Variants in CNTN4 observed in about 807,000 individuals in gnomAD.
The protein encoded by CNTN4 is contactin 4, also known as contactin-4.
Under a neutral mutation model 122.5 loss-of-function variants are expected in CNTN4, and 77 were observed. The observed-to-expected ratio is 0.63, with a 90% CI of 0.52 to 0.76. CNTN4 has a LOEUF of 0.76. CNTN4 is among the 30% of genes least tolerant of loss of function. The pLI, the probability that CNTN4 is intolerant of heterozygous loss-of-function variation, is 0.00. For missense variants in CNTN4, 1,256 were observed against 1,259.1 expected (o/e 1.00, Z 0.04); for synonymous variants, 512 against 447.0 (o/e 1.15, Z -1.83).
At chr3:2,623,180 G>A (rs2082055214) in intron 4 of CNTN4, among the ~76,000 whole-genome samples, 1 of 151,720 alleles carries the variant, frequency 6.6e-6, no homozygotes, top group Non-Finnish European at 1.5e-5. Flanking sequence ...TATTCTGGTG[G>A]GCCTGCAAAT....
chr3:2,319,400 T>A (rs1225402312), intron 2 of CNTN4, among the ~76,000 whole-genome samples: 1 of 152,126 alleles, frequency 6.6e-6, no homozygotes, highest in Non-Finnish European at 1.5e-5. Flanking sequence ...ATGAATCCAC[T>A]AATACCCACA....
chr3:2,433,580 C>G (rs2048154750), intron 3 of CNTN4, among the ~76,000 whole-genome samples: 1 of 151,988 alleles, frequency 6.6e-6, no homozygotes, highest in Non-Finnish European at 1.5e-5. Context: ...GTGGTTGTCT[C>G]TTTATTAGTT....
intron 6 of CNTN4, among the ~76,000 whole-genome samples, chr3:2,788,361 A>C (rs1242196164): frequency 6.6e-6 from 1 of 152,164 alleles, no homozygotes; most frequent in Non-Finnish European, 1.5e-5. Context: ...ATTTAACCCA[A>C]TGGAATATAA....
chr3:2,903,880 A>T (rs1243293655), intron 12 of CNTN4, among the ~76,000 whole-genome samples: 1 of 152,216 alleles, frequency 6.6e-6, no homozygotes, highest in African/African-American at 2.4e-5. Flanking sequence ...GTATGCACTC[A>T]ATAAACATTG....
At chr3:2,148,836 C>T (rs1332968745) in intron 2 of CNTN4, among the ~76,000 whole-genome samples, 1 of 151,422 alleles carries the variant, frequency 6.6e-6, no homozygotes, top group African/African-American at 2.4e-5. Context: ...AAGCAAAAGT[C>T]AAGGATAAAT....
chr3:2,471,901 A>G (rs1004988228), intron 3 of CNTN4, among the ~76,000 whole-genome samples: 3 of 152,214 alleles, frequency 2.0e-5, no homozygotes, highest in Non-Finnish European at 4.4e-5. Flanking sequence ...TAAAACCTAG[A>G]TAAAATGCTC....
At position 2,751,086 on chromosome 3, in the gene CNTN4, G is replaced by A. The variant is rs190280507; in HGVS notation, c.358+5389G>A. 2.4e-3 allele frequency among the ~76,000 whole-genome samples: 362 copies of A among 152,190 alleles called. 1 individual carries two copies. Among genetic ancestry groups the A allele is most frequent in the Non-Finnish European group, 4.0e-3 (275 of 68,038 alleles). On this transcript the variant is annotated intron_variant, in intron 6 of 24. Coordinates refer to ENST00000418658, the MANE Select transcript of CNTN4 (RefSeq NM_175607.3). The stretch of plus-strand genomic sequence containing the variant: ...GGAGGCCGAGGCGAGTGGATCACGA[G>A]GTCAGGAGATTGAGACCATCCTGGC...
At chr3:2,192,353 A>T (rs1369860842) in intron 2 of CNTN4, among the ~76,000 whole-genome samples, 1 of 152,050 alleles carries the variant, frequency 6.6e-6, no homozygotes, top group Non-Finnish European at 1.5e-5. Flanking sequence ...CCAACAGTGT[A>T]AAAGTGTTCC....
At chr3:2,972,951 T>C (rs559732646) in intron 13 of CNTN4, among the ~76,000 whole-genome samples, 73 of 152,058 alleles carry the variant, frequency 4.8e-4, no homozygotes, top group African/African-American at 1.5e-3. Flanking sequence ...GGTCATCAAC[T>C]TCCCCTTGGA....
chr3:2,562,133 A>G (rs907683701), intron 3 of CNTN4, among the ~76,000 whole-genome samples: 1 of 152,206 alleles, frequency 6.6e-6, no homozygotes, highest in Non-Finnish European at 1.5e-5. Context: ...TATAAACTAC[A>G]ATTGCCTGCT....
intron 3 of CNTN4, among the ~76,000 whole-genome samples, chr3:2,409,249 CT>C (rs372224744): frequency 0.01 from 1,326 of 132,586 alleles, 9 homozygotes; most frequent in African/African-American, 0.032. Context: ...CTTTTCTTTT[CT>C]TTTTTTTTTT....
At chr3:2,641,315 A>G (rs757633465) in intron 4 of CNTN4, among the ~76,000 whole-genome samples, 2 of 152,142 alleles carry the variant, frequency 1.3e-5, no homozygotes, top group Non-Finnish European at 2.9e-5. Flanking sequence ...TGATTGGTGT[A>G]CATTCTGTTG....
chr3:2,168,514 TTAAG>T (rs1462895608), intron 2 of CNTN4, among the ~76,000 whole-genome samples: 8 of 152,062 alleles, frequency 5.3e-5, no homozygotes, highest in Non-Finnish European at 1.2e-4. Flanking sequence ...AAGATTGAAA[TTAAG>T]TAATCTAAAC....
At chr3:2,734,663 T>TG (rs2088953020) in intron 4 of CNTN4, among the ~76,000 whole-genome samples, 1 of 150,424 alleles carries the variant, frequency 6.6e-6, no homozygotes, top group Admixed American at 6.6e-5. Flanking sequence ...TTTTTTTTTT[T>TG]GTCTGAGTTA....
intron 14 of CNTN4, among the ~76,000 whole-genome samples, chr3:3,004,783 G>T (rs556071418): frequency 5.3e-5 from 8 of 152,284 alleles, no homozygotes; most frequent in Middle Eastern, 3.4e-3. Flanking sequence ...CCAAATGGCC[G>T]CATTCTGCTA....
chr3:2,274,608 A>G lies in CNTN4; in HGVS notation c.-144-64570A>G, dbSNP rs10510231. ...AATCACCATATTTCTCCTTTATTAAAGCTGTCTCCAATGGCATTCTCAGCA... is the reference window on the plus strand; with the variant it reads ...AATCACCATATTTCTCCTTTATTAAGGCTGTCTCCAATGGCATTCTCAGCA... On this transcript the variant is annotated intron_variant, in intron 2 of 24. Coordinates refer to ENST00000418658, the MANE Select transcript of CNTN4 (RefSeq NM_175607.3). Among the ~76,000 whole-genome samples, 1,221 of 152,234 alleles carry G rather than the reference A, an allele frequency of 8.0e-3. 18 individuals are homozygous for G. The highest frequency in any genetic ancestry group is 0.028 in the African/African-American group (1,156 of 41,528).
chr3:2,174,450 G>A (rs1442692500), intron 2 of CNTN4, among the ~76,000 whole-genome samples: 1 of 152,130 alleles, frequency 6.6e-6, no homozygotes, highest in Non-Finnish European at 1.5e-5. Context: ...TGTCTGGTGA[G>A]GGCCCACTTC....
At position 2,385,439 on chromosome 3, in the gene CNTN4, G is replaced by A. The variant is rs1209366854; in HGVS notation, c.-89+46206G>A. On this transcript the variant is annotated intron_variant, in intron 3 of 24. Transcript: ENST00000418658. This position sits in a 1 kb window ranked among gnomAD's most constrained non-coding sequence, Gnocchi z 4.0. ...CAATATTCCTGGTGTCTTGTTCATA[G>A]CAGATGCTTGTATTAGTTTCTTAGG... Among the ~76,000 whole-genome samples, 1 of 152,006 alleles carries A rather than the reference G, an allele frequency of 6.6e-6. No homozygotes were observed. The highest frequency in any genetic ancestry group is 6.6e-5 in the Admixed American group (1 of 15,240).
chr3:2,452,025 T>TCAGGC, intron 3 of CNTN4, among the ~76,000 whole-genome samples: 1 of 152,178 alleles, frequency 6.6e-6, no homozygotes, highest in East Asian at 1.9e-4. Flanking sequence ...TTCAAACTCT[T>TCAGGC]AATTTAGAGT....
Sources: gnomAD v4.1 joint callset for allele counts (sites outside exome capture counted in the v4.1 genomes callset) on GRCh38, gnomAD v4.1.1 for gene constraint, Gnocchi (gnomAD v3.1) non-coding constraint, MANE v1.5 for transcripts, NCBI Gene and HGNC (gene_info 2026-07-23, HGNC 2026-07-21) for gene names.